Variants in SNX24 observed in about 807,000 individuals in gnomAD.
SNX24 encodes sorting nexin-24.
SNX24 carries 22 observed loss-of-function variants against 28.7 expected under a neutral mutation model. The observed-to-expected ratio is 0.77, with a 90% confidence interval of 0.55 to 1.10. The LOEUF is 1.10. SNX24 is among the 50% of genes least tolerant of loss of function. The probability of loss-of-function intolerance (pLI) is 0.00; values close to 1 mark genes in which losing one functional copy is unlikely to be tolerated. For synonymous variants in SNX24, 69 were observed against 71.5 expected, an observed-to-expected ratio of 0.96 and a Z score of 0.18; for missense variants, 221 against 201.1, an observed-to-expected ratio of 1.10 and a Z score of -0.60.
At chr5:122,953,270 A>T (rs1193137088) in intron 3 of SNX24, among the ~76,000 whole-genome samples, 1 of 151,912 alleles carries the variant, frequency 6.6e-6, no homozygotes, top group Non-Finnish European at 1.5e-5. Flanking sequence ...ATGCCCTGCT[A>T]ATTTTTGTAT....
intron 3 of SNX24, among the ~76,000 whole-genome samples, chr5:122,974,013 G>A (rs1234884830): frequency 1.3e-5 from 2 of 152,146 alleles, no homozygotes; most frequent in Non-Finnish European, 2.9e-5. Flanking sequence ...CTCCTGTTCT[G>A]GACTCGAAAC....
intron 1 of SNX24, among the ~76,000 whole-genome samples, chr5:122,865,491 C>T (rs1035507809): frequency 2.4e-4 from 36 of 152,100 alleles, no homozygotes; most frequent in Non-Finnish European, 1.5e-4. Flanking sequence ...CCACCATGCC[C>T]GGCTAATTTT....
intron 1 of SNX24, chr5:122,853,566 A>G (rs530429038): frequency 2.1e-4 from 54 of 261,362 alleles, no homozygotes; most frequent in African/African-American, 1.2e-3. Flanking sequence ...TTGCTTAGAA[A>G]TTTGGGGGCA....
At chr5:122,857,717 A>G (rs1438315433) in intron 1 of SNX24, among the ~76,000 whole-genome samples, 1 of 152,146 alleles carries the variant, frequency 6.6e-6, no homozygotes, top group African/African-American at 2.4e-5. Flanking sequence ...AGCTTCATCC[A>G]TGTTCCTGCA....
chr5:122,946,657 T>A (rs1230315297), intron 3 of SNX24, among the ~76,000 whole-genome samples: 1 of 152,114 alleles, frequency 6.6e-6, no homozygotes, highest in Non-Finnish European at 1.5e-5. Flanking sequence ...CGAATGTCAA[T>A]TTAGAAAGAA....
At chr5:122,870,490 A>G (rs1301618421) in intron 1 of SNX24, among the ~76,000 whole-genome samples, 1 of 152,232 alleles carries the variant, frequency 6.6e-6, no homozygotes, top group African/African-American at 2.4e-5. Flanking sequence ...CTTAGCCTGC[A>G]GCTTTGTACC....
downstream of SNX24, among the ~76,000 whole-genome samples, chr5:123,009,941 A>G (rs1019536864): frequency 6.6e-6 from 1 of 152,246 alleles, no homozygotes; most frequent in Non-Finnish European, 1.5e-5. Context: ...GCTGCAATCC[A>G]GGGATCAGCA....
chr5:122,876,827 A>T (rs944647002), intron 1 of SNX24, among the ~76,000 whole-genome samples: 1 of 152,202 alleles, frequency 6.6e-6, no homozygotes, highest in Non-Finnish European at 1.5e-5. Context: ...ACTAGGTAGG[A>T]TTTAAATAAG....
intron 5 of SNX24, among the ~76,000 whole-genome samples, chr5:123,016,106 A>G (rs1402567192): frequency 1.3e-5 from 2 of 152,250 alleles, no homozygotes; most frequent in Admixed American, 6.5e-5. Flanking sequence ...TTGGTAAACT[A>G]GAATCCTTGC....
intron 2 of SNX24, among the ~76,000 whole-genome samples, 167 bp downstream of exon 2, chr5:122,936,984 TA>T (rs1759207644): frequency 6.6e-6 from 1 of 152,202 alleles, no homozygotes; most frequent in African/African-American, 2.4e-5. Flanking sequence ...TTCAGTTCCT[TA>T]AAGGTATGCT....
intron 3 of SNX24, among the ~76,000 whole-genome samples, chr5:122,995,427 C>G (rs917484583): frequency 5.3e-5 from 8 of 152,140 alleles, no homozygotes; most frequent in African/African-American, 1.9e-4. Flanking sequence ...ATTTTCATTG[C>G]TTGCCTCTAG....
chr5:122,989,696 A>C (rs888124027), intron 3 of SNX24, among the ~76,000 whole-genome samples: 1 of 152,234 alleles, frequency 6.6e-6, no homozygotes, highest in South Asian at 2.1e-4. Context: ...TGGATCTTGC[A>C]TAGATGCAAA....
At chr5:123,011,961 C>T (rs1035759988), downstream of SNX24, among the ~76,000 whole-genome samples, 8 of 152,152 alleles carry the variant, frequency 5.3e-5, no homozygotes, top group East Asian at 1.5e-3. Flanking sequence ...GAGGGACCTG[C>T]CAGGAGGTAA....
intron 3 of SNX24, among the ~76,000 whole-genome samples, chr5:122,993,262 G>A (rs928338643): frequency 2.7e-5 from 4 of 149,990 alleles, no homozygotes; most frequent in Non-Finnish European, 5.9e-5. Context: ...TTTTTCAGGT[G>A]GTCAGGATCC....
At chr5:122,972,387 A>G (rs1436035670) in intron 3 of SNX24, among the ~76,000 whole-genome samples, 1 of 152,222 alleles carries the variant, frequency 6.6e-6, no homozygotes. Flanking sequence ...CTATGAGAGA[A>G]GCAGTAGCAT....
At chr5:122,976,431 G>A (rs1484329758) in intron 3 of SNX24, among the ~76,000 whole-genome samples, 1 of 152,050 alleles carries the variant, frequency 6.6e-6, no homozygotes, top group Admixed American at 6.6e-5. Flanking sequence ...CTTTTAGCAA[G>A]ACAAATAACA....
intron 1 of SNX24, among the ~76,000 whole-genome samples, chr5:122,923,580 C>T (rs922999965): frequency 3.3e-5 from 5 of 152,280 alleles, no homozygotes; most frequent in African/African-American, 7.2e-5. Context: ...AAATGGCCTG[C>T]GTTCTTTCAC....
chr5:122,916,546 A>T (rs1758175788), intron 1 of SNX24, among the ~76,000 whole-genome samples: 1 of 152,118 alleles, frequency 6.6e-6, no homozygotes, highest in South Asian at 2.1e-4. Context: ...CTTGATCCTG[A>T]TGCTTCCTTA....
chr5:122,912,645 C>T (rs557124616), intron 1 of SNX24, among the ~76,000 whole-genome samples: 1 of 151,544 alleles, frequency 6.6e-6, no homozygotes, highest in African/African-American at 2.4e-5. Flanking sequence ...TACGTCCCAT[C>T]AATACCTAAT....
Sources: gnomAD v4.1 joint callset for allele counts (sites outside exome capture counted in the v4.1 genomes callset) on GRCh38, gnomAD v4.1.1 for gene constraint, MANE v1.5 for transcripts, NCBI Gene and HGNC (gene_info 2026-07-23, HGNC 2026-07-21) for gene names.